The following UNC13C variants were observed in gnomAD, a reference collection of about 807,000 sequenced individuals.
UNC13C encodes the protein unc-13 homolog C.
Under a neutral mutation model 245.4 loss-of-function variants are expected in UNC13C, and 174 were observed. That is an observed-to-expected ratio of 0.71 (90% confidence interval 0.63 to 0.80). The LOEUF (loss-of-function observed/expected upper bound fraction) is 0.80, where lower values mean the gene tolerates loss of function less well. Ranked by LOEUF, UNC13C falls within the 30% of genes least tolerant of loss-of-function variation. The pLI is 0.00. For missense variants in UNC13C, 2,829 were observed against 2,602.9 expected (o/e 1.09, Z -1.89); for synonymous variants, 992 against 895.1 (o/e 1.11, Z -1.93).
At chr15:54,020,441 A>T (rs75509774) in intron 2 of UNC13C, among the ~76,000 whole-genome samples, 3 of 106,826 alleles carry the variant, frequency 2.8e-5, no homozygotes, top group Non-Finnish European at 3.7e-5. Context: ...CGCCCAGCTA[A>T]TTTTTTTTTT....
Position 54,476,083 on chromosome 15 carries a change from TC to T in UNC13C, c.4934-18524del, listed in dbSNP as rs747367172. Among the ~76,000 whole-genome samples the T allele has an allele frequency of 2.9e-4, 33 of 113,130 alleles. No individual in the cohort carries two copies. In the East Asian group the frequency reaches 3.0e-3, roughly 10 times the overall value. 74.2% of individuals were successfully genotyped at this position (113,130 alleles called of 152,430 possible). ...GTGATGATGAGCATTTTTTCATGTG[TC>T]TTTTGGCTGCATAAATGTCTTCTTT... On this transcript the variant is annotated intron_variant, in intron 19 of 32. Coordinates refer to ENST00000260323, the MANE Select transcript of UNC13C (RefSeq NM_001080534.3).
At chr15:53,901,811 T>C in the UNC13C span, among the ~76,000 whole-genome samples, 1 of 152,202 alleles carries the variant, frequency 6.6e-6, no homozygotes, top group Admixed American at 6.5e-5. Flanking sequence ...CATTTGGATA[T>C]TCTCATGAAT....
the UNC13C span, among the ~76,000 whole-genome samples, chr15:53,864,901 T>C: frequency 6.6e-6 from 1 of 152,094 alleles, no homozygotes; most frequent in East Asian, 1.9e-4. Flanking sequence ...TCTAGACAAA[T>C]CTGAGTCTAT....
chr15:54,418,119 T>A (rs991485145), intron 19 of UNC13C, among the ~76,000 whole-genome samples: 1 of 152,122 alleles, frequency 6.6e-6, no homozygotes, highest in African/African-American at 2.4e-5. Context: ...ATATTGATAT[T>A]TGCACAACAG....
chr15:54,188,541 A>G (rs1257028844), intron 4 of UNC13C, among the ~76,000 whole-genome samples: 1 of 152,204 alleles, frequency 6.6e-6, no homozygotes, highest in Non-Finnish European at 1.5e-5. Flanking sequence ...CAGTTTTCAA[A>G]TATTACCTTA....
rs374833103 is a variant in UNC13C at position 54,014,658 on chromosome 15, G to C, written c.1755G>C (p.Glu585Asp). ...CTCTCCTGTCATCTTCGGACCGGGA[G>C]CTATGGCAGAGGAAACAGGAAGGAA... ...GSSLLSSSDR[E>D]LWQRKQEGTA... The change falls in exon 2 of 33, where the codon GAG becomes GAC. Residue 585 changes from glutamate to aspartate, a missense_variant. Coordinates refer to ENST00000260323, the MANE Select transcript of UNC13C (RefSeq NM_001080534.3). 6.2e-7 allele frequency: 1 copy of C among 1,613,712 alleles called. No homozygotes were observed. The highest frequency in any genetic ancestry group is 1.7e-5 in the Admixed American group (1 of 59,950).
At chr15:54,204,108 C>T (rs2034629834) in intron 4 of UNC13C, among the ~76,000 whole-genome samples, 1 of 151,324 alleles carries the variant, frequency 6.6e-6, no homozygotes, top group South Asian at 2.1e-4. Context: ...GGACACAAAG[C>T]CATAAGAATC....
chr15:54,201,784 A>G (rs1156423698), intron 4 of UNC13C, among the ~76,000 whole-genome samples: 4 of 152,016 alleles, frequency 2.6e-5, no homozygotes, highest in African/African-American at 9.7e-5. Context: ...CACTACTTCT[A>G]TTCAATATAG....
intron 24 of UNC13C, among the ~76,000 whole-genome samples, chr15:54,512,850 C>T (rs541982513): frequency 3.9e-5 from 6 of 152,208 alleles, no homozygotes; most frequent in African/African-American, 1.4e-4. Flanking sequence ...TGTGATTTTG[C>T]TTTTAACCCC....
At chr15:54,230,232 C>A (rs952072652) in intron 4 of UNC13C, among the ~76,000 whole-genome samples, 2 of 152,132 alleles carry the variant, frequency 1.3e-5, no homozygotes, top group Non-Finnish European at 2.9e-5. Flanking sequence ...CCCTTTTTCT[C>A]CATAGCATCA....
At chr15:53,943,836 A>G in the UNC13C span, among the ~76,000 whole-genome samples, 2 of 152,034 alleles carry the variant, frequency 1.3e-5, no homozygotes, top group Non-Finnish European at 2.9e-5. Flanking sequence ...TTCTTGGTAA[A>G]TTGGCCCTTT....
At chr15:54,357,765 T>A (rs2039129734) in intron 17 of UNC13C, among the ~76,000 whole-genome samples, 1 of 152,042 alleles carries the variant, frequency 6.6e-6, no homozygotes, top group Non-Finnish European at 1.5e-5. Flanking sequence ...AACTGTTCTT[T>A]GGTTTCCATA....
At chr15:54,335,933 G>A (rs1023210265) in intron 16 of UNC13C, among the ~76,000 whole-genome samples, 5 of 152,002 alleles carry the variant, frequency 3.3e-5, no homozygotes, top group African/African-American at 9.7e-5. Context: ...AAACTCTTGG[G>A]ATTTTCCATG....
At chr15:54,468,800 C>G (rs1892308104) in intron 19 of UNC13C, among the ~76,000 whole-genome samples, 1 of 151,452 alleles carries the variant, frequency 6.6e-6, no homozygotes, top group Non-Finnish European at 1.5e-5. Context: ...TGTTCCATTG[C>G]TTAGTATATC....
chr15:54,587,603 A>G (rs1179124347), intron 30 of UNC13C, among the ~76,000 whole-genome samples: 1 of 152,190 alleles, frequency 6.6e-6, no homozygotes, highest in African/African-American at 2.4e-5. Flanking sequence ...ATGTATGGTC[A>G]TTCTGTTGGT....
At chr15:54,616,416 A>G (rs557278915) in intron 30 of UNC13C, among the ~76,000 whole-genome samples, 11 of 152,192 alleles carry the variant, frequency 7.2e-5, no homozygotes, top group African/African-American at 2.4e-4. Flanking sequence ...GATGGTGTAA[A>G]TAAGCCTGCT....
chr15:54,047,272 T>A (rs564440880), intron 2 of UNC13C, among the ~76,000 whole-genome samples: 141 of 152,074 alleles, frequency 9.3e-4, no homozygotes, highest in African/African-American at 2.9e-3. Context: ...CATAACAAAA[T>A]TTACCATTTT....
chr15:53,867,494 C>G, the UNC13C span, among the ~76,000 whole-genome samples: 1 of 152,202 alleles, frequency 6.6e-6, no homozygotes, highest in Non-Finnish European at 1.5e-5. Flanking sequence ...TTTACAACTT[C>G]TGCAGTTCTT....
At chr15:54,132,287 G>A (rs1480553033) in intron 2 of UNC13C, among the ~76,000 whole-genome samples, 2 of 151,920 alleles carry the variant, frequency 1.3e-5, no homozygotes, top group African/African-American at 4.8e-5. Flanking sequence ...AGCCAGGATG[G>A]TCTCGATCTC....
Sources: gnomAD v4.1 joint callset for allele counts (sites outside exome capture counted in the v4.1 genomes callset) on GRCh38, gnomAD v4.1.1 for gene constraint, MANE v1.5 for transcripts, NCBI Gene and HGNC (gene_info 2026-07-23, HGNC 2026-07-21) for gene names.